Variants in LY6S observed in about 807,000 individuals in gnomAD.
LY6S encodes the protein lymphocyte antigen 6 family member S, also known as lymphocyte antigen 6S.
At chr8:143,059,274 T>C in the LY6S span, among the ~76,000 whole-genome samples, 4 of 152,244 alleles carry the variant, frequency 2.6e-5, no homozygotes, top group African/African-American at 9.6e-5. Flanking sequence ...TTTTGTGGAG[T>C]AGACAAAGAT....
chr8:143,041,912 G>T, the LY6S span, among the ~76,000 whole-genome samples: 1 of 109,912 alleles, frequency 9.1e-6, no homozygotes, highest in Non-Finnish European at 1.9e-5. Flanking sequence ...TCCAGGCTGA[G>T]ACGGCCGTCC....
chr8:143,041,648 T>C, the LY6S span, among the ~76,000 whole-genome samples: 21 of 152,236 alleles, frequency 1.4e-4, no homozygotes, highest in South Asian at 4.4e-3. Context: ...AAGTGATAAG[T>C]GTCCATGAAA....
the LY6S span, among the ~76,000 whole-genome samples, chr8:143,048,917 C>G: frequency 3.7e-4 from 57 of 152,292 alleles, 2 homozygotes; most frequent in South Asian, 0.012. Flanking sequence ...GGGACTGCAT[C>G]GGGTATTCCA....
the LY6S span, among the ~76,000 whole-genome samples, chr8:143,048,850 T>C: frequency 6.6e-6 from 1 of 152,184 alleles, no homozygotes; most frequent in Non-Finnish European, 1.5e-5. Flanking sequence ...AGATGGTCCT[T>C]CAACTGGCGT....
the LY6S span, among the ~76,000 whole-genome samples, chr8:143,067,262 T>G: frequency 5.3e-5 from 8 of 152,248 alleles, no homozygotes; most frequent in African/African-American, 1.9e-4. Context: ...AAAATTGTTC[T>G]GCTTTGAGAT....
At chr8:143,041,698 C>A in the LY6S span, among the ~76,000 whole-genome samples, 3 of 152,066 alleles carry the variant, frequency 2.0e-5, no homozygotes, top group African/African-American at 7.2e-5. Context: ...TAAAGACAGG[C>A]ATAAGAAATT....
At chr8:143,070,489 ATT>A in the LY6S span, among the ~76,000 whole-genome samples, 66 of 81,696 alleles carry the variant, frequency 8.1e-4, 6 homozygotes, top group South Asian at 5.0e-3. Context: ...ATATATATAT[ATT>A]TTTTTTTTTT....
At chr8:143,049,343 T>C in the LY6S span, 1 of 525,658 alleles carries the variant, frequency 1.9e-6, no homozygotes, top group Non-Finnish European at 3.9e-6. Context: ...CTGTTTGTCC[T>C]GGGTACAAGT....
chr8:143,057,785 T>C, the LY6S span: 1 of 781,816 alleles, frequency 1.3e-6, no homozygotes, highest in Non-Finnish European at 2.4e-6. Flanking sequence ...TGCCTGTGGA[T>C]GTGTTCTTGA....
the LY6S span, among the ~76,000 whole-genome samples, chr8:143,047,145 AT>A: frequency 5.4e-5 from 8 of 148,284 alleles, no homozygotes; most frequent in African/African-American, 5.0e-5. Flanking sequence ...TAGGGGCTTG[AT>A]TTTTTTTTTT....
chr8:143,044,879 C>A, the LY6S span: 4 of 1,249,574 alleles, frequency 3.2e-6, no homozygotes, highest in Non-Finnish European at 4.2e-6. Context: ...CCCATGCCCA[C>A]AAGGGCACCC....
the LY6S span, among the ~76,000 whole-genome samples, chr8:143,068,041 G>C: frequency 6.6e-6 from 1 of 152,124 alleles, no homozygotes; most frequent in Non-Finnish European, 1.5e-5. Context: ...CCCTTCACGG[G>C]TGTTGGGCTG....
the LY6S span, among the ~76,000 whole-genome samples, chr8:143,043,668 CT>C: frequency 1.3e-3 from 194 of 145,186 alleles, no homozygotes; most frequent in Middle Eastern, 3.5e-3. Flanking sequence ...TCCAGGCTGG[CT>C]TTTTTTTTTT....
the LY6S span, among the ~76,000 whole-genome samples, chr8:143,074,106 A>T: frequency 0.19 from 29,333 of 152,180 alleles, 3,734 homozygotes; most frequent in African/African-American, 0.34. Context: ...TGATGTGACT[A>T]AATATGGTTT....
At chr8:143,067,614 C>G in the LY6S span, among the ~76,000 whole-genome samples, 2 of 152,224 alleles carry the variant, frequency 1.3e-5, no homozygotes, top group East Asian at 3.8e-4. Context: ...CGCGTCGGCG[C>G]TGGTCTCTGA....
chr8:143,065,094 T>G, the LY6S span, among the ~76,000 whole-genome samples: 36,549 of 152,048 alleles, frequency 0.24, 6,422 homozygotes, highest in African/African-American at 0.48. Context: ...GGCTGGAGCT[T>G]CTTGCTGATG....
the LY6S span, among the ~76,000 whole-genome samples, chr8:143,046,198 C>T: frequency 3.9e-5 from 6 of 152,158 alleles, no homozygotes; most frequent in East Asian, 5.8e-4. Flanking sequence ...GGCCTGGTGG[C>T]TCACATCTGT....
At chr8:143,056,504 T>C in the LY6S span, among the ~76,000 whole-genome samples, 2 of 152,176 alleles carry the variant, frequency 1.3e-5, no homozygotes, top group Non-Finnish European at 2.9e-5. Context: ...ACAGCATATA[T>C]GGTTAGCACA....
the LY6S span, among the ~76,000 whole-genome samples, chr8:143,070,492 T>C: frequency 9.6e-6 from 1 of 104,004 alleles, no homozygotes; most frequent in Non-Finnish European, 1.8e-5. Context: ...TATATATATT[T>C]TTTTTTTTTT....
Sources: gnomAD v4.1 joint callset for allele counts (sites outside exome capture counted in the v4.1 genomes callset) on GRCh38, gnomAD v4.1.1 for gene constraint, MANE v1.5 for transcripts, NCBI Gene and HGNC (gene_info 2026-07-23, HGNC 2026-07-21) for gene names.